Variants in SEMA6D observed in about 807,000 individuals in gnomAD.
The protein encoded by SEMA6D is semaphorin-6D.
SEMA6D carries 35 observed loss-of-function variants against 106.6 expected under a neutral mutation model. That is an observed-to-expected ratio of 0.33 (90% CI 0.25 to 0.44). The LOEUF (loss-of-function observed/expected upper bound fraction) is 0.44. SEMA6D is among the 20% of genes least tolerant of loss of function. The probability of loss-of-function intolerance (pLI) is 1.00; values close to 1 mark genes in which losing one functional copy is unlikely to be tolerated. For missense variants in SEMA6D, 1,185 were observed against 1,345.9 expected (o/e 0.88, Z 1.87); for synonymous variants, 499 against 487.7 (o/e 1.02, Z -0.31).
At chr15:47,214,461 T>A (rs1261372757) in intron 1 of SEMA6D, among the ~76,000 whole-genome samples, 1 of 152,196 alleles carries the variant, frequency 6.6e-6, no homozygotes, top group East Asian at 1.9e-4. Flanking sequence ...AATATAATAA[T>A]GCTAACAGCA....
intron 1 of SEMA6D, among the ~76,000 whole-genome samples, chr15:47,724,835 TG>T (rs1163008979): frequency 2.0e-5 from 3 of 152,192 alleles, no homozygotes; most frequent in African/African-American, 4.8e-5. Flanking sequence ...GGATCAATCT[TG>T]TGGCAATTCA....
chr15:47,663,963 T>C (rs558827299), intron 4 of SEMA6D, among the ~76,000 whole-genome samples: 10 of 152,208 alleles, frequency 6.6e-5, no homozygotes, highest in Non-Finnish European at 1.3e-4. Context: ...TTTGGATCTA[T>C]TCTTGTTTTA....
chr15:47,705,038 A>G (rs989265710), intron 4 of SEMA6D, among the ~76,000 whole-genome samples: 8 of 152,192 alleles, frequency 5.3e-5, no homozygotes, highest in African/African-American at 1.9e-4. Flanking sequence ...CATCCATTCA[A>G]TAAATATATA....
chr15:47,439,762 A>T, intron 2 of SEMA6D, among the ~76,000 whole-genome samples: 1 of 152,126 alleles, frequency 6.6e-6, no homozygotes, highest in East Asian at 1.9e-4. Context: ...ATCAGATGAA[A>T]AGTAACTTGA....
intron 3 of SEMA6D, among the ~76,000 whole-genome samples, chr15:47,528,211 A>G (rs1385125770): frequency 3.3e-5 from 5 of 152,224 alleles, no homozygotes; most frequent in Non-Finnish European, 5.9e-5. Flanking sequence ...CTTATTCACC[A>G]TATCAGTGTT....
In SEMA6D at chr15:47,770,903, T is replaced by G. The variant is rs1490366521; in HGVS notation, c.2340T>G (p.Leu780=). 4 of 1,613,954 alleles carry G rather than the reference T, an allele frequency of 2.5e-6. No homozygotes were observed. The highest frequency in any genetic ancestry group is 3.4e-6 in the Non-Finnish European group (4 of 1,180,008). Residue 780 remains leucine (L), a synonymous_variant, in exon 19 of 19, where the codon CTT becomes CTG. Coordinates refer to ENST00000536845, the MANE Select transcript of SEMA6D (RefSeq NM_001358351.3). ...CTACTCCTGAGTCTACACCCGTGCT[T>G]CACCAGAAGACCCTGCAGGCCATGA... ...ALPTPESTPV[L]HQKTLQAMKS... is the part of the protein sequence containing the mutation.
intron 3 of SEMA6D, among the ~76,000 whole-genome samples, chr15:47,477,252 C>T (rs1485789105): frequency 6.6e-6 from 1 of 152,130 alleles, no homozygotes; most frequent in African/African-American, 2.4e-5. Context: ...TGTTATCAGT[C>T]CCGTCCTAAT....
intron 1 of SEMA6D, among the ~76,000 whole-genome samples, chr15:47,316,550 T>G (rs548105858): frequency 4.1e-4 from 62 of 150,902 alleles, no homozygotes; most frequent in South Asian, 6.3e-4. Flanking sequence ...TTGGGGGGGG[T>G]TTTGTAGATT....
intron 3 of SEMA6D, among the ~76,000 whole-genome samples, chr15:47,545,348 A>G (rs1433335438): frequency 6.6e-6 from 1 of 152,130 alleles, no homozygotes; most frequent in Non-Finnish European, 1.5e-5. Flanking sequence ...CACTGTAACT[A>G]CCAAAACCTA....
intron 1 of SEMA6D, among the ~76,000 whole-genome samples, chr15:47,206,726 T>A (rs1025038592): frequency 6.6e-6 from 1 of 152,120 alleles, no homozygotes; most frequent in African/African-American, 2.4e-5. Flanking sequence ...AAATCAGGAA[T>A]TCTGCTCCTC....
chr15:47,721,946 C>G (rs554248786), intron 1 of SEMA6D, among the ~76,000 whole-genome samples: 1 of 152,184 alleles, frequency 6.6e-6, no homozygotes, highest in East Asian at 1.9e-4. Context: ...TGGAATCCAT[C>G]CGGCTGTGAA....
At chr15:47,247,179 T>C (rs1363919943) in intron 1 of SEMA6D, among the ~76,000 whole-genome samples, 3 of 152,100 alleles carry the variant, frequency 2.0e-5, no homozygotes, top group African/African-American at 7.2e-5. Flanking sequence ...CTGTTAGACC[T>C]GAAACGACTA....
intron 1 of SEMA6D, among the ~76,000 whole-genome samples, chr15:47,298,739 C>G (rs567635278): frequency 2.6e-5 from 4 of 152,150 alleles, no homozygotes; most frequent in Non-Finnish European, 4.4e-5. Flanking sequence ...GCTTCCTTAG[C>G]TCCTTCTGCA....
intron 2 of SEMA6D, among the ~76,000 whole-genome samples, chr15:47,431,578 G>T (rs1384197117): frequency 6.6e-6 from 1 of 152,116 alleles, no homozygotes; most frequent in Non-Finnish European, 1.5e-5. Context: ...GTTGTGGGCT[G>T]GAGATAGGGT....
At chr15:47,592,275 A>T (rs983339771) in intron 3 of SEMA6D, among the ~76,000 whole-genome samples, 2 of 152,218 alleles carry the variant, frequency 1.3e-5, no homozygotes, top group Middle Eastern at 3.2e-3. Context: ...ATCTAAACAT[A>T]CTTAGAGAAT....
chr15:47,733,110 T>G (rs1442543639), intron 1 of SEMA6D, among the ~76,000 whole-genome samples: 1 of 152,244 alleles, frequency 6.6e-6, no homozygotes, highest in Non-Finnish European at 1.5e-5. Flanking sequence ...CCCTTAAAGC[T>G]CTAAAGCTAA....
At chr15:47,711,636 T>C (rs2079026383) in intron 4 of SEMA6D, among the ~76,000 whole-genome samples, 1 of 152,192 alleles carries the variant, frequency 6.6e-6, no homozygotes, top group Admixed American at 6.5e-5. Flanking sequence ...GAACATCAGC[T>C]GCTTCCTGTC....
At chr15:47,189,609 C>T (rs1893821861) in intron 1 of SEMA6D, among the ~76,000 whole-genome samples, 1 of 152,200 alleles carries the variant, frequency 6.6e-6, no homozygotes, top group Non-Finnish European at 1.5e-5. Context: ...CAAATCTAAC[C>T]AGCTACCTCT....
intron 4 of SEMA6D, among the ~76,000 whole-genome samples, chr15:47,659,879 G>A (rs1022752382): frequency 5.9e-5 from 9 of 151,998 alleles, no homozygotes; most frequent in African/African-American, 2.2e-4. Context: ...ATACATATTG[G>A]TAAGAGTATT....
Sources: gnomAD v4.1 joint callset for allele counts (sites outside exome capture counted in the v4.1 genomes callset) on GRCh38, gnomAD v4.1.1 for gene constraint, MANE v1.5 for transcripts, NCBI Gene and HGNC (gene_info 2026-07-23, HGNC 2026-07-21) for gene names.